ZNF385D: variants seen among roughly 807,000 people sequenced by gnomAD.
ZNF385D encodes zinc finger protein 659.
In ZNF385D, 15 loss-of-function variants were observed where a neutral mutation model predicts 35.8. The ratio of observed to expected loss-of-function variants is 0.42; its 90% CI spans 0.28 to 0.64. The LOEUF (loss-of-function observed/expected upper bound fraction) is 0.64. ZNF385D is among the 30% of genes least tolerant of loss of function. ZNF385D has a pLI of 0.23. For missense variants in ZNF385D, 474 were observed against 494.6 expected (o/e 0.96, Z 0.39); for synonymous variants, 212 against 186.8 (o/e 1.13, Z -1.10).
intron 2 of ZNF385D, among the ~76,000 whole-genome samples, chr3:21,606,700 G>A (rs947585590): frequency 6.6e-6 from 1 of 152,206 alleles, no homozygotes; most frequent in African/African-American, 2.4e-5. Context: ...GAAGCCATCT[G>A]CAAGACAGTG....
intron 4 of ZNF385D, among the ~76,000 whole-genome samples, chr3:21,443,793 C>T (rs1417775734): frequency 6.6e-6 from 1 of 151,846 alleles, no homozygotes; most frequent in Non-Finnish European, 1.5e-5. Flanking sequence ...ATTATTTGAA[C>T]TAAATTTCCC....
chr3:22,342,819 G>C (rs1292608079), intron 2 of ZNF385D, among the ~76,000 whole-genome samples: 1 of 152,116 alleles, frequency 6.6e-6, no homozygotes, highest in Non-Finnish European at 1.5e-5. Context: ...AAGTCGTTTT[G>C]GAAAGAACTT....
intron 2 of ZNF385D, among the ~76,000 whole-genome samples, chr3:22,212,068 T>C (rs969603781): frequency 2.0e-5 from 3 of 152,018 alleles, no homozygotes; most frequent in Non-Finnish European, 2.9e-5. Context: ...TGTAGTACTT[T>C]TGCAGCACCA....
intron 3 of ZNF385D, among the ~76,000 whole-genome samples, chr3:21,757,561 T>C (rs183051182): frequency 6.6e-6 from 1 of 152,164 alleles, no homozygotes; most frequent in South Asian, 2.1e-4. Flanking sequence ...GGTTGTGGAA[T>C]AGCAATGTTT....
At chr3:22,207,644 T>C (rs1195092889) in intron 2 of ZNF385D, among the ~76,000 whole-genome samples, 1 of 151,688 alleles carries the variant, frequency 6.6e-6, no homozygotes, top group Non-Finnish European at 1.5e-5. Context: ...ATCAACAAAG[T>C]GAAGAGACAA....
At chr3:21,740,000 G>A (rs1048683867) in intron 1 of ZNF385D, among the ~76,000 whole-genome samples, 1 of 152,162 alleles carries the variant, frequency 6.6e-6, no homozygotes, top group Admixed American at 6.5e-5. Context: ...CCCCAGTCTT[G>A]AGAGTTGAAT....
At chr3:22,245,757 G>C (rs1699743438) in intron 2 of ZNF385D, among the ~76,000 whole-genome samples, 1 of 141,672 alleles carries the variant, frequency 7.1e-6, no homozygotes, top group African/African-American at 2.5e-5. Context: ...GGGGTGGTGG[G>C]GAGGGGGGGC....
chr3:22,117,862 C>A (rs1236965256), intron 3 of ZNF385D, among the ~76,000 whole-genome samples: 1 of 151,974 alleles, frequency 6.6e-6, no homozygotes, highest in Non-Finnish European at 1.5e-5. Context: ...TCGTAACAAT[C>A]ATTTAAAGGA....
chr3:21,899,555 C>T (rs1418563603), intron 3 of ZNF385D, among the ~76,000 whole-genome samples: 1 of 152,098 alleles, frequency 6.6e-6, no homozygotes. Context: ...GCTCTAGGCA[C>T]CACATCTCCA....
intron 5 of ZNF385D, among the ~76,000 whole-genome samples, chr3:21,427,014 C>G (rs887621169): frequency 6.6e-6 from 1 of 152,062 alleles, no homozygotes; most frequent in African/African-American, 2.4e-5. Flanking sequence ...GTCAATATCT[C>G]GCAGGAAGAT....
intron 2 of ZNF385D, among the ~76,000 whole-genome samples, chr3:22,293,367 A>G (rs151081478): frequency 6.6e-6 from 1 of 152,124 alleles, no homozygotes; most frequent in East Asian, 1.9e-4. Flanking sequence ...CCTTCTCTCC[A>G]TAAGACTTTA....
intron 2 of ZNF385D, among the ~76,000 whole-genome samples, chr3:22,242,774 TAG>T (rs1699568622): frequency 6.6e-6 from 1 of 151,186 alleles, no homozygotes; most frequent in South Asian, 2.1e-4. Flanking sequence ...TTTAATATTT[TAG>T]TTTTGAAAAA....
At chr3:22,021,434 A>G (rs950223688) in intron 3 of ZNF385D, among the ~76,000 whole-genome samples, 1 of 152,028 alleles carries the variant, frequency 6.6e-6, no homozygotes, top group Non-Finnish European at 1.5e-5. Flanking sequence ...AAATAGAAAC[A>G]ATATTATTAC....
At chr3:22,187,842 A>G (rs1395571808) in intron 2 of ZNF385D, among the ~76,000 whole-genome samples, 3 of 152,150 alleles carry the variant, frequency 2.0e-5, no homozygotes, top group Non-Finnish European at 4.4e-5. Flanking sequence ...GGACACTGAG[A>G]GACTATCTTT....
rs73042146 is a variant in ZNF385D at position 21,694,961 on chromosome 3, G to A, written c.23-29933C>T. 5.6e-3 allele frequency among the ~76,000 whole-genome samples: 857 copies of A among 152,290 alleles called. 5 individuals carry two copies. The highest frequency in any genetic ancestry group is 0.017 in the Middle Eastern group (5 of 294). On this transcript the variant is annotated intron_variant, in intron 1 of 7. Coordinates refer to ENST00000281523, the MANE Select transcript of ZNF385D (RefSeq NM_024697.3). Reference sequence around the variant, plus strand: ...AGCATGCATCAGCTTGGCTTTTAAAGTGAGTCAGTCCCGGAGTTGAATTTT... The same window carrying A: ...AGCATGCATCAGCTTGGCTTTTAAAATGAGTCAGTCCCGGAGTTGAATTTT...
chr3:22,313,972 A>T lies in ZNF385D; in HGVS notation c.106+58478T>A, dbSNP rs1322076915. Among the ~76,000 whole-genome samples, 4 of 152,100 alleles carry T rather than the reference A, an allele frequency of 2.6e-5. No homozygotes were observed. The East Asian group carries it at 7.7e-4, about 29-fold the overall frequency. Reference sequence around the variant, plus strand: ...TTGCTTTGGGTATGAAGCTCTGCATAAGTTCTGATCTGCATTTGTTGCAGA... The same window carrying T: ...TTGCTTTGGGTATGAAGCTCTGCATTAGTTCTGATCTGCATTTGTTGCAGA... On this transcript the variant is annotated intron_variant, in intron 2 of 5. Transcript: ENST00000494108.
At chr3:21,514,469 G>T (rs1707433099) in intron 3 of ZNF385D, among the ~76,000 whole-genome samples, 1 of 151,954 alleles carries the variant, frequency 6.6e-6, no homozygotes. Context: ...CTTAAATTTG[G>T]CCTAAAAGTT....
chr3:22,315,324 G>A (rs921342043), intron 2 of ZNF385D, among the ~76,000 whole-genome samples: 3 of 152,136 alleles, frequency 2.0e-5, no homozygotes, highest in Admixed American at 6.5e-5. Flanking sequence ...GGACCTTCAG[G>A]CAGAGATGAA....
At chr3:21,758,115 C>A (rs998776680) in intron 3 of ZNF385D, among the ~76,000 whole-genome samples, 3 of 152,174 alleles carry the variant, frequency 2.0e-5, no homozygotes, top group Admixed American at 2.0e-4. Flanking sequence ...GTCAAATTCA[C>A]GTGTTCCCTT....
Sources: gnomAD v4.1 joint callset for allele counts (sites outside exome capture counted in the v4.1 genomes callset) on GRCh38, gnomAD v4.1.1 for gene constraint, MANE v1.5 for transcripts, NCBI Gene and HGNC (gene_info 2026-07-23, HGNC 2026-07-21) for gene names.